CCBE1: variants seen among roughly 807,000 people sequenced by gnomAD.
CCBE1 encodes the protein collagen and calcium binding EGF domains 1, also known as collagen and calcium-binding EGF domain-containing protein 1.
CCBE1 carries 37 observed loss-of-function variants against 50.0 expected under a neutral mutation model. The observed-to-expected ratio is 0.74, with a 90% CI of 0.57 to 0.97. CCBE1 has a LOEUF of 0.97. Ranked by LOEUF, CCBE1 falls within the 50% of genes least tolerant of loss-of-function variation. CCBE1 has a pLI of 0.00. For missense variants in CCBE1, 538 were observed against 523.8 expected (o/e 1.03, Z -0.26); for synonymous variants, 234 against 203.7 (o/e 1.15, Z -1.27).
At position 59,452,953 on chromosome 18, in the gene CCBE1, AT is replaced by A. The variant is rs141607842; in HGVS notation, c.654+1897del. 0.011 allele frequency among the ~76,000 whole-genome samples: 1,723 copies of A among 152,328 alleles called. 111 individuals are homozygous for A. In the East Asian group the frequency reaches 0.2, roughly 18 times the overall value. On this transcript the variant is annotated intron_variant, in intron 6 of 10. Coordinates refer to ENST00000439986, the MANE Select transcript of CCBE1 (RefSeq NM_133459.4). ...GCATAAGAGTTACTGGAGTATTAAG[AT>A]GACCTCGTGGATTTTTATGTAGCTC... is the stretch of plus-strand genomic sequence containing the variant.
chr18:59,443,010 T>TTA (rs558583287), intron 7 of CCBE1, among the ~76,000 whole-genome samples: 1 of 152,056 alleles, frequency 6.6e-6, no homozygotes, highest in African/African-American at 2.4e-5. Context: ...TTTGTTTTTT[T>TTA]AATTCTTTTC....
Position 59,663,379 on chromosome 18 carries a change from G to A in CCBE1, c.212+33250C>T, listed in dbSNP as rs143986880. On this transcript the variant is annotated intron_variant, in intron 2 of 10. Coordinates refer to ENST00000439986, the MANE Select transcript of CCBE1 (RefSeq NM_133459.4). ...AAGAGAGAACATCAAGTCAACATAT[G>A]TCCTGATTTGCCTGAGACAGTGCCA... Among the ~76,000 whole-genome samples, 3 of 152,278 alleles carry A rather than the reference G, an allele frequency of 2.0e-5. No homozygotes were observed. In the East Asian group the frequency reaches 5.8e-4, roughly 29 times the overall value.
At chr18:59,641,536 C>A (rs913487319) in intron 2 of CCBE1, among the ~76,000 whole-genome samples, 7 of 122,322 alleles carry the variant, frequency 5.7e-5, no homozygotes, top group African/African-American at 1.3e-4. Context: ...AATCTGTACA[C>A]CAAACCCCGT....
chr18:59,688,743 A>C (rs938419020), intron 2 of CCBE1, among the ~76,000 whole-genome samples: 3 of 152,232 alleles, frequency 2.0e-5, no homozygotes, highest in Admixed American at 1.3e-4. Context: ...GTTCCAGCTC[A>C]ACAAAAACTA....
At chr18:59,462,690 T>C (rs919641270) in intron 5 of CCBE1, among the ~76,000 whole-genome samples, 1 of 151,770 alleles carries the variant, frequency 6.6e-6, no homozygotes, top group African/African-American at 2.4e-5. Flanking sequence ...GACCTAATTT[T>C]TTTTTTTTAA....
chr18:59,622,176 G>A (rs2053719320), intron 2 of CCBE1, among the ~76,000 whole-genome samples: 1 of 152,178 alleles, frequency 6.6e-6, no homozygotes, highest in South Asian at 2.1e-4. Context: ...GTGTTCAAGA[G>A]GACCTTCACT....
At chr18:59,437,961 ACT>A (rs1910234033) in intron 10 of CCBE1, 148 bp downstream of exon 10, 1 of 648,802 alleles carries the variant, frequency 1.5e-6, no homozygotes, top group East Asian at 2.7e-5. Context: ...GGCTTCTATG[ACT>A]CTCTTCCTAA....
At chr18:59,448,666 C>G (rs1321505991) in intron 6 of CCBE1, among the ~76,000 whole-genome samples, 1 of 152,170 alleles carries the variant, frequency 6.6e-6, no homozygotes, top group Non-Finnish European at 1.5e-5. Flanking sequence ...ACTTTGTGAT[C>G]ACGGGAGTCA....
chr18:59,538,149 G>A (rs1915326295), intron 2 of CCBE1, among the ~76,000 whole-genome samples: 2 of 152,196 alleles, frequency 1.3e-5, no homozygotes, highest in South Asian at 2.1e-4. Context: ...AACAACATGA[G>A]TATATTTAAC....
intron 3 of CCBE1, among the ~76,000 whole-genome samples, chr18:59,478,850 A>G (rs918249276): frequency 2.0e-5 from 3 of 152,256 alleles, no homozygotes; most frequent in African/African-American, 7.2e-5. Flanking sequence ...TTTACCCATC[A>G]TGCTATAACC....
intron 2 of CCBE1, among the ~76,000 whole-genome samples, chr18:59,491,370 C>T (rs1913087885): frequency 6.6e-6 from 1 of 152,162 alleles, no homozygotes; most frequent in South Asian, 2.1e-4. Context: ...TTTATACCCT[C>T]ACCTTACTGT....
At chr18:59,535,403 G>A (rs553829317) in intron 2 of CCBE1, among the ~76,000 whole-genome samples, 21 of 152,296 alleles carry the variant, frequency 1.4e-4, no homozygotes, top group African/African-American at 5.1e-4. Context: ...ATTACCGGGT[G>A]TTAGTGAACG....
chr18:59,591,233 G>A (rs1406310349), intron 2 of CCBE1, among the ~76,000 whole-genome samples: 2 of 19,232 alleles, frequency 1.0e-4, no homozygotes, highest in Non-Finnish European at 1.4e-4. Flanking sequence ...GCCACAGAGC[G>A]AGACTCCGTC....
intron 2 of CCBE1, among the ~76,000 whole-genome samples, chr18:59,676,765 G>C (rs892234794): frequency 4.6e-5 from 7 of 152,308 alleles, no homozygotes; most frequent in African/African-American, 1.7e-4. Context: ...AGGGATGGAG[G>C]GAAGTGTCAG....
At chr18:59,483,371 G>A (rs1394685160) in intron 2 of CCBE1, among the ~76,000 whole-genome samples, 1 of 152,168 alleles carries the variant, frequency 6.6e-6, no homozygotes, top group East Asian at 1.9e-4. Context: ...TTATTTTGGA[G>A]TTTGGCATAT....
intron 3 of CCBE1, among the ~76,000 whole-genome samples, chr18:59,473,651 C>A (rs1244804233): frequency 6.6e-6 from 1 of 150,664 alleles, no homozygotes. Flanking sequence ...CACCTTCCAA[C>A]CCTCCCACTA....
Position 59,540,916 on chromosome 18 carries a change from C to A in CCBE1, c.213-60678G>T, listed in dbSNP as rs1394906001. Among the ~76,000 whole-genome samples, 2 of 152,162 alleles carry A rather than the reference C, an allele frequency of 1.3e-5. 1 individual carries two copies. Among genetic ancestry groups the A allele is most frequent in the Admixed American group, 1.3e-4 (2 of 15,274 alleles). ...TAAGAAACTAACAGTGTCTGTCCAGCCAGTGCTTTAGAAGAAAGTAGTTGG... is the reference window on the plus strand; with the variant it reads ...TAAGAAACTAACAGTGTCTGTCCAGACAGTGCTTTAGAAGAAAGTAGTTGG... On this transcript the variant is annotated intron_variant, in intron 2 of 10. Transcript: ENST00000439986.
chr18:59,559,164 G>A (rs1305469548), intron 2 of CCBE1, among the ~76,000 whole-genome samples: 3 of 151,976 alleles, frequency 2.0e-5, no homozygotes, highest in African/African-American at 7.3e-5. Context: ...GGAGGCAGTA[G>A]ATGGGGTCTC....
intron 2 of CCBE1, among the ~76,000 whole-genome samples, chr18:59,689,916 G>T (rs1234484276): frequency 6.6e-6 from 1 of 152,146 alleles, no homozygotes; most frequent in Admixed American, 6.5e-5. Context: ...GACTCTGCTT[G>T]AAGCTGTGGG....
Sources: gnomAD v4.1 joint callset for allele counts (sites outside exome capture counted in the v4.1 genomes callset) on GRCh38, gnomAD v4.1.1 for gene constraint, MANE v1.5 for transcripts, NCBI Gene and HGNC (gene_info 2026-07-23, HGNC 2026-07-21) for gene names.